COL4A3: variants seen among roughly 807,000 people sequenced by gnomAD.
COL4A3 encodes the protein collagen type IV alpha 3 chain.
COL4A3 carries 135 observed loss-of-function variants against 217.4 expected under a neutral mutation model. That is an observed-to-expected ratio of 0.62 (90% CI 0.54 to 0.72). The LOEUF is 0.72. Ranked by LOEUF, COL4A3 falls within the 30% of genes least tolerant of loss-of-function variation. The pLI is 0.00. For synonymous variants in COL4A3, 690 were observed against 736.3 expected (o/e 0.94, Z 1.02); for missense variants, 1,868 against 2,119.9 (o/e 0.88, Z 2.33).
intron 1 of COL4A3, among the ~76,000 whole-genome samples, chr2:227,172,927 C>T (rs2065543925): frequency 6.6e-6 from 1 of 152,096 alleles, no homozygotes; most frequent in South Asian, 2.1e-4. Flanking sequence ...TCATGAAGAC[C>T]CCACCCTCGT....
intron 1 of COL4A3, among the ~76,000 whole-genome samples, chr2:227,193,603 T>C (rs2066326752): frequency 6.6e-6 from 1 of 151,922 alleles, no homozygotes; most frequent in Non-Finnish European, 1.5e-5. Context: ...TCCCAGCTAC[T>C]TGGGAGGTTG....
At chr2:227,165,470 G>A (rs1410032184) in intron 1 of COL4A3, among the ~76,000 whole-genome samples, 3 of 152,128 alleles carry the variant, frequency 2.0e-5, no homozygotes, top group Non-Finnish European at 4.4e-5. Flanking sequence ...AGTGAAACTG[G>A]ATTTATTTAA....
chr2:227,305,328 C>CT (rs2073456504), intron 47 of COL4A3: 2 of 469,300 alleles, frequency 4.3e-6, no homozygotes, highest in East Asian at 8.6e-5. Flanking sequence ...AGCCTGAGGA[C>CT]AAATAGAACT....
At chr2:227,210,043 C>A (rs1420239463) in intron 1 of COL4A3, among the ~76,000 whole-genome samples, 1 of 152,108 alleles carries the variant, frequency 6.6e-6, no homozygotes, top group Non-Finnish European at 1.5e-5. Flanking sequence ...TTGTAAAGAT[C>A]TAATGAGTTC....
intron 1 of COL4A3, among the ~76,000 whole-genome samples, chr2:227,167,414 T>C (rs1037587189): frequency 6.6e-6 from 1 of 152,232 alleles, no homozygotes. Context: ...CCCCAGGTTT[T>C]ATAGCTGTCA....
chr2:227,276,751 C>T (rs1204502458), intron 27 of COL4A3, among the ~76,000 whole-genome samples: 1 of 152,272 alleles, frequency 6.6e-6, no homozygotes, highest in African/African-American at 2.4e-5. Context: ...GCAGAAAAAC[C>T]GTTCTGGAGT....
Position 227,280,942 on chromosome 2 carries a change from G to T in COL4A3, c.2424G>T (p.Arg808Ser), listed in dbSNP as rs759352023. 3.2e-6 allele frequency: 5 copies of T among 1,567,994 alleles called. No individual in the cohort carries two copies. The highest frequency in any genetic ancestry group is 4.3e-6 in the Non-Finnish European group (5 of 1,155,752). Reference protein sequence around the residue: ...GPPGEQGPPGRCIEGPRGAQG... With the variant: ...GPPGEQGPPGSCIEGPRGAQG... ...CTGGAGAACAAGGACCCCCAGGAAG[G>T]TGCATAGAGGGTCCCAGGGGAGCCC... Residue 808 changes from arginine (R) to serine (S), a missense_variant, in exon 31 of 52, where the codon AGG (arginine) becomes AGT (serine). By Grantham distance (110) the Arg-to-Ser change is moderately radical. Coordinates refer to ENST00000396578, the MANE Select transcript of COL4A3 (RefSeq NM_000091.5).
chr2:227,210,460 C>T (rs139156267), intron 1 of COL4A3, among the ~76,000 whole-genome samples: 18,131 of 138,044 alleles, frequency 0.13, 1,997 homozygotes, highest in African/African-American at 0.23. Flanking sequence ...TGTGGTGGCA[C>T]GCACCTGTAG....
chr2:227,222,701 AG>A (rs1349753687), intron 1 of COL4A3: 16 of 152,266 alleles, frequency 1.1e-4, no homozygotes, highest in African/African-American at 3.9e-4. Flanking sequence ...CTCTGGAATC[AG>A]CAAAACTCAG....
In COL4A3 at chr2:227,290,004, A is replaced by C; in HGVS notation, c.2986A>C (p.Arg996=). 1 of 1,614,142 alleles carries C rather than the reference A, an allele frequency of 6.2e-7. No homozygotes were observed. The highest frequency in any genetic ancestry group is 8.5e-7 in the Non-Finnish European group (1 of 1,179,966). Reference sequence around the variant, plus strand: ...ACTACTTATTTGTTCTCAAGGCCCCAGAGGAGATTTGGGCAGCACTGGGAA... The same window carrying C: ...ACTACTTATTTGTTCTCAAGGCCCCCGAGGAGATTTGGGCAGCACTGGGAA... ...LPGPAGPPGP[R]GDLGSTGNPG... The change falls in exon 36 of 52, where the codon AGA becomes CGA. Residue 996 remains arginine, a synonymous_variant. Coordinates refer to ENST00000396578, the MANE Select transcript of COL4A3 (RefSeq NM_000091.5).
At chr2:227,181,019 G>C (rs947324893) in intron 1 of COL4A3, among the ~76,000 whole-genome samples, 1 of 152,150 alleles carries the variant, frequency 6.6e-6, no homozygotes, top group Non-Finnish European at 1.5e-5. Flanking sequence ...AATGAGCAGA[G>C]TATTTACCTT....
chr2:227,249,230 A>ATATATATATATATATATATTTTTTTTTT, intron 9 of COL4A3, among the ~76,000 whole-genome samples: 4 of 14,690 alleles, frequency 2.7e-4, no homozygotes, highest in African/African-American at 5.3e-4. Context: ...ATATATATAT[A>ATATATATATATATATATATTTTTTTTTT]TTTTTTTTTT....
intron 9 of COL4A3, among the ~76,000 whole-genome samples, chr2:227,249,231 T>TATATATATATATATATATATATATA (rs71036175): frequency 2.1e-4 from 4 of 19,490 alleles, no homozygotes; most frequent in Admixed American, 5.3e-4. Context: ...TATATATATA[T>TATATATATATATATATATATATATA]TTTTTTTTTT....
At chr2:227,233,655 G>C (rs1371988545) in intron 1 of COL4A3, among the ~76,000 whole-genome samples, 1 of 152,152 alleles carries the variant, frequency 6.6e-6, no homozygotes, top group African/African-American at 2.4e-5. Context: ...AAAAGTTCAA[G>C]ACCCAAACTA....
chr2:227,183,472 AAT>A (rs1289271173), intron 1 of COL4A3, among the ~76,000 whole-genome samples: 1 of 152,214 alleles, frequency 6.6e-6, no homozygotes, highest in Non-Finnish European at 1.5e-5. Flanking sequence ...AAACGAGGAA[AAT>A]ACAAATCAGA....
intron 3 of COL4A3, among the ~76,000 whole-genome samples, chr2:227,242,162 G>A (rs2069062453): frequency 6.6e-6 from 1 of 152,184 alleles, no homozygotes; most frequent in African/African-American, 2.4e-5. Context: ...TGGGTCCTCA[G>A]TTACCCATAA....
intron 26 of COL4A3, among the ~76,000 whole-genome samples, chr2:227,274,267 A>AAATAAATAAATAAATAAATAAATG (rs2071419738): frequency 1.3e-5 from 2 of 151,472 alleles, no homozygotes; most frequent in South Asian, 4.1e-4. Flanking sequence ...ATAAATAAAT[A>AAATAAATAAATAAATAAATAAATG]AATAAATTTT....
chr2:227,189,368 G>A (rs1046860269), intron 1 of COL4A3, among the ~76,000 whole-genome samples: 2 of 152,280 alleles, frequency 1.3e-5, no homozygotes, highest in African/African-American at 4.8e-5. Flanking sequence ...GCAAGGTGTG[G>A]TGGTGATCCC....
rs546520812 is a variant in COL4A3, at chr2:227,237,548, G to A, written c.88-420G>A. Among the ~76,000 whole-genome samples the A allele has an allele frequency of 7.2e-5, 11 of 152,172 alleles. No individual in the cohort carries two copies. In the South Asian group the frequency reaches 2.3e-3, roughly 32 times the overall value. ...AACATTATGTAGAACCTAAGAATTT[G>A]CCAGTATTTGACCACTTTTTAACTA... On this transcript the variant is annotated intron_variant, in intron 1 of 51. Transcript: ENST00000396578.
Sources: gnomAD v4.1 joint callset for allele counts (sites outside exome capture counted in the v4.1 genomes callset) on GRCh38, gnomAD v4.1.1 for gene constraint, MANE v1.5 for transcripts, NCBI Gene and HGNC (gene_info 2026-07-23, HGNC 2026-07-21) for gene names.